TNRC6B: variants seen among roughly 807,000 people sequenced by gnomAD.
TNRC6B encodes the protein trinucleotide repeat containing adaptor 6B.
Under a neutral mutation model 203.6 loss-of-function variants are expected in TNRC6B, and 52 were observed. The observed-to-expected ratio is 0.26, with a 90% CI of 0.20 to 0.32. The LOEUF is 0.32. Among genes scored for constraint, TNRC6B ranks in the 10% least tolerant of loss-of-function variants. The pLI, the probability that TNRC6B is intolerant of heterozygous loss-of-function variation, is 1.00. For synonymous variants in TNRC6B, 838 were observed against 845.7 expected, an observed-to-expected ratio of 0.99 and a Z score of 0.16; for missense variants, 1,923 against 2,286.2, an observed-to-expected ratio of 0.84 and a Z score of 3.24.
chr22:40,068,280 T>G (rs1477785133), intron 1 of TNRC6B, among the ~76,000 whole-genome samples: 1 of 152,176 alleles, frequency 6.6e-6, no homozygotes, highest in Non-Finnish European at 1.5e-5. Flanking sequence ...TTATAGTAGA[T>G]AGAGTGGATA....
intron 1 of TNRC6B, among the ~76,000 whole-genome samples, chr22:40,105,048 G>T (rs2068271129): frequency 6.6e-6 from 1 of 152,124 alleles, no homozygotes; most frequent in Non-Finnish European, 1.5e-5. Flanking sequence ...GGTTTTCTAG[G>T]CAGAGAAGTG....
rs1231997202 is a variant in TNRC6B at position 40,324,713 on chromosome 22, GT to G, written c.*1475del. 5.9e-5 allele frequency: 9 copies of G among 152,678 alleles called. No individual in the cohort carries two copies. Among genetic ancestry groups the G allele is most frequent in the Admixed American group, 2.6e-4 (4 of 15,304 alleles). 9.5% of individuals were successfully genotyped at this position (152,678 alleles called of 1,614,324 possible). On this transcript the variant is annotated 3_prime_UTR_variant, in exon 23 of 23. Coordinates refer to ENST00000454349, the MANE Select transcript of TNRC6B (RefSeq NM_001162501.2). ...GTGTGTACTTCAAGCGTTTCCTTTT[GT>G]TTCTCTGTGTTGTGTATTTCCTGTG...
chr22:40,105,772 TCTG>T (rs1289611040), intron 1 of TNRC6B, among the ~76,000 whole-genome samples: 1 of 152,196 alleles, frequency 6.6e-6, no homozygotes, highest in Non-Finnish European at 1.5e-5. Flanking sequence ...GTGCATACAT[TCTG>T]CTGGGTATGT....
intron 4 of TNRC6B, among the ~76,000 whole-genome samples, chr22:40,170,708 CATAT>C (rs1285471751): frequency 2.9e-5 from 4 of 137,452 alleles, no homozygotes; most frequent in African/African-American, 1.1e-4. Context: ...CCTATACATA[CATAT>C]ATAAACATAC....
chr22:40,055,633 A>G (rs190323609), intron 1 of TNRC6B, among the ~76,000 whole-genome samples: 1 of 152,320 alleles, frequency 6.6e-6, no homozygotes, highest in East Asian at 1.9e-4. Context: ...ATAAACCACA[A>G]CGGCACTTGT....
intron 1 of TNRC6B, among the ~76,000 whole-genome samples, chr22:40,212,089 T>C (rs2069572572): frequency 6.6e-6 from 1 of 152,226 alleles, no homozygotes; most frequent in East Asian, 1.9e-4. Context: ...CAAAGCCCTT[T>C]ATATTTGACC....
chr22:40,290,909 C>T (rs1166639427), intron 12 of TNRC6B, among the ~76,000 whole-genome samples: 1 of 152,192 alleles, frequency 6.6e-6, no homozygotes, highest in African/African-American at 2.4e-5. Flanking sequence ...TTGGGTACTA[C>T]AGATCTCTTT....
chr22:40,215,513 C>A (rs1001366978), intron 1 of TNRC6B, among the ~76,000 whole-genome samples: 3 of 152,078 alleles, frequency 2.0e-5, no homozygotes, highest in African/African-American at 7.2e-5. Flanking sequence ...GCTTTTTTGC[C>A]CCACAGCAGC....
intron 5 of TNRC6B, among the ~76,000 whole-genome samples, chr22:40,268,169 C>T (rs967238217): frequency 6.6e-6 from 1 of 152,158 alleles, no homozygotes. Flanking sequence ...CTCGCTATAA[C>T]CTCCGTGCCA....
At chr22:40,063,237 G>C (rs1033356421) in intron 1 of TNRC6B, among the ~76,000 whole-genome samples, 7 of 152,152 alleles carry the variant, frequency 4.6e-5, no homozygotes, top group Admixed American at 1.3e-4. Context: ...GGCTGTAATT[G>C]AGGGTTTATT....
intron 3 of TNRC6B, among the ~76,000 whole-genome samples, chr22:40,129,973 G>A (rs1252991088): frequency 6.6e-6 from 1 of 152,178 alleles, no homozygotes; most frequent in African/African-American, 2.4e-5. Flanking sequence ...AGTAGGAGGT[G>A]CAGAAACCAA....
At chr22:40,125,199 C>T (rs1311848653) in intron 2 of TNRC6B, among the ~76,000 whole-genome samples, 1 of 152,008 alleles carries the variant, frequency 6.6e-6, no homozygotes, top group African/African-American at 2.4e-5. Context: ...TAAATAGTCT[C>T]ATATAAAAAT....
At chr22:40,081,639 G>A (rs947019193) in intron 1 of TNRC6B, among the ~76,000 whole-genome samples, 8 of 152,204 alleles carry the variant, frequency 5.3e-5, no homozygotes, top group Admixed American at 3.3e-4. Context: ...CTAAGCCTCA[G>A]TTTCCTTAGG....
intron 1 of TNRC6B, chr22:40,106,632 G>T: frequency 1.4e-6 from 1 of 732,060 alleles, no homozygotes; most frequent in Non-Finnish European, 2.5e-6. Context: ...TTTAGATTTG[G>T]GTACCCCCAA....
intron 1 of TNRC6B, among the ~76,000 whole-genome samples, chr22:40,086,929 A>G (rs1472728345): frequency 6.6e-6 from 1 of 152,126 alleles, no homozygotes; most frequent in African/African-American, 2.4e-5. Flanking sequence ...GATTATCATT[A>G]TAGCATTTGT....
intron 4 of TNRC6B, among the ~76,000 whole-genome samples, chr22:40,163,025 C>CT (rs1316429529): frequency 1.3e-5 from 2 of 152,006 alleles, no homozygotes; most frequent in African/African-American, 2.4e-5. Flanking sequence ...CTAACAAAGT[C>CT]TTTTTTTCCC....
At chr22:40,215,547 C>T (rs1326522198) in intron 1 of TNRC6B, among the ~76,000 whole-genome samples, 2 of 152,152 alleles carry the variant, frequency 1.3e-5, no homozygotes, top group African/African-American at 2.4e-5. Context: ...TGTAGATGCA[C>T]CTGAATCCAT....
chr22:40,131,548 G>A (rs1023351782), intron 3 of TNRC6B, among the ~76,000 whole-genome samples: 1 of 151,958 alleles, frequency 6.6e-6, no homozygotes, highest in Non-Finnish European at 1.5e-5. Context: ...CCTCTCTCCT[G>A]ATTAATTCAG....
At chr22:40,239,644 A>G (rs1483752730) in intron 1 of TNRC6B, among the ~76,000 whole-genome samples, 1 of 152,160 alleles carries the variant, frequency 6.6e-6, no homozygotes. Flanking sequence ...TTGAATGCCA[A>G]TTACAGATGC....
Sources: gnomAD v4.1 joint callset for allele counts (sites outside exome capture counted in the v4.1 genomes callset) on GRCh38, gnomAD v4.1.1 for gene constraint, MANE v1.5 for transcripts, NCBI Gene and HGNC (gene_info 2026-07-23, HGNC 2026-07-21) for gene names.